The following RIC1 variants were observed in gnomAD, a reference collection of about 807,000 sequenced individuals.
The protein encoded by RIC1 is guanine nucleotide exchange factor subunit RIC1.
RIC1 carries 88 observed loss-of-function variants against 169.0 expected under a neutral mutation model. The observed-to-expected ratio is 0.52, with a 90% confidence interval of 0.44 to 0.62. RIC1 has a LOEUF of 0.62. Ranked by LOEUF, RIC1 falls within the 20% of genes least tolerant of loss-of-function variation. RIC1 has a pLI of 0.00. For synonymous variants in RIC1, 790 were observed against 601.5 expected, an observed-to-expected ratio of 1.31 and a Z score of -4.59; for missense variants, 1,877 against 1,725.5, an observed-to-expected ratio of 1.09 and a Z score of -1.56.
chr9:5,725,107 G>T (rs1563928730), intron 6 of RIC1, among the ~76,000 whole-genome samples: 1 of 152,108 alleles, frequency 6.6e-6, no homozygotes, highest in Non-Finnish European at 1.5e-5. Context: ...TTTTTCTATT[G>T]ATTGGAATAG....
At chr9:5,685,191 G>T (rs1821140310) in intron 2 of RIC1, among the ~76,000 whole-genome samples, 1 of 149,314 alleles carries the variant, frequency 6.7e-6, no homozygotes. Context: ...CGTGAAAATG[G>T]CCATACTGCC....
chr9:5,769,272 T>A lies in RIC1; in HGVS notation c.3424+16T>A. ...TACCGAACTGGTAATGTAGACTTCA[T>A]GTCACTTGTACAAGGAGAATTGTAT... On this transcript the variant is annotated intron_variant, in intron 22 of 25. Transcript: ENST00000414202. The A allele has an allele frequency of 6.2e-7, 1 of 1,613,956 alleles. No homozygotes were observed. The highest frequency in any genetic ancestry group is 8.5e-7 in the Non-Finnish European group (1 of 1,179,790).
intron 1 of RIC1, among the ~76,000 whole-genome samples, chr9:5,634,993 A>G (rs920782137): frequency 6.6e-6 from 1 of 152,244 alleles, no homozygotes; most frequent in African/African-American, 2.4e-5. Context: ...ATTCATCATC[A>G]TCACCATTAT....
chr9:5,661,334 A>G (rs931719742), intron 2 of RIC1, among the ~76,000 whole-genome samples: 1 of 152,180 alleles, frequency 6.6e-6, no homozygotes, highest in Non-Finnish European at 1.5e-5. Flanking sequence ...TTGGTTCCAT[A>G]TGAATTTTAA....
At chr9:5,689,637 C>T (rs1821477671) in intron 2 of RIC1, among the ~76,000 whole-genome samples, 1 of 152,058 alleles carries the variant, frequency 6.6e-6, no homozygotes, top group Non-Finnish European at 1.5e-5. Context: ...CATATTAGTG[C>T]AGAGTTCAAA....
At chr9:5,678,146 C>T (rs1428083148) in intron 2 of RIC1, among the ~76,000 whole-genome samples, 2 of 152,038 alleles carry the variant, frequency 1.3e-5, no homozygotes, top group Non-Finnish European at 2.9e-5. Context: ...TGGTTTCCAG[C>T]TTCATCCATG....
At chr9:5,689,775 C>T (rs1821484995) in intron 2 of RIC1, among the ~76,000 whole-genome samples, 184 bp from the exon 3 acceptor site, 2 of 152,092 alleles carry the variant, frequency 1.3e-5, no homozygotes, top group South Asian at 4.1e-4. Context: ...TCTGTAAAAA[C>T]CCTTTTTTTC....
At chr9:5,696,344 A>G (rs1821904218) in intron 3 of RIC1, among the ~76,000 whole-genome samples, 1 of 151,842 alleles carries the variant, frequency 6.6e-6, no homozygotes, top group Non-Finnish European at 1.5e-5. Flanking sequence ...CATCGAACCC[A>G]CAATTCCTAT....
chr9:5,659,923 T>G (rs1819347797), intron 2 of RIC1, among the ~76,000 whole-genome samples: 1 of 152,114 alleles, frequency 6.6e-6, no homozygotes. Context: ...GTGGTTTCCT[T>G]GCACAGATTA....
At chr9:5,682,572 C>T (rs1820922584) in intron 2 of RIC1, among the ~76,000 whole-genome samples, 1 of 152,168 alleles carries the variant, frequency 6.6e-6, no homozygotes, top group South Asian at 2.1e-4. Flanking sequence ...CCCGACCTTT[C>T]TCTGTGGCTG....
chr9:5,758,536 A>G lies in RIC1; in HGVS notation c.1992+1085A>G, dbSNP rs537524411. ...CAGTTCTCTATTCTTTGTAGAAGAC[A>G]TTGTAAAAGCTAGTCCCTCTTCCAC... is the stretch of plus-strand genomic sequence containing the variant. On this transcript the variant is annotated intron_variant, in intron 17 of 25. Transcript: ENST00000414202. 1.3e-4 allele frequency among the ~76,000 whole-genome samples: 20 copies of G among 152,280 alleles called. No homozygotes were observed. In the East Asian group the frequency reaches 2.5e-3, roughly 19 times the overall value.
At chr9:5,735,653 T>C (rs564418766) in intron 7 of RIC1, among the ~76,000 whole-genome samples, 8 of 152,356 alleles carry the variant, frequency 5.3e-5, no homozygotes, top group African/African-American at 1.2e-4. Context: ...CCAACACTTA[T>C]CAGGACTAAT....
chr9:5,702,895 A>C (rs1215194390), intron 3 of RIC1, among the ~76,000 whole-genome samples: 4 of 152,166 alleles, frequency 2.6e-5, no homozygotes, highest in African/African-American at 9.6e-5. Context: ...TTACTATCAC[A>C]AGAACAGCAC....
At chr9:5,651,230 T>C (rs1818783273) in intron 1 of RIC1, among the ~76,000 whole-genome samples, 1 of 152,214 alleles carries the variant, frequency 6.6e-6, no homozygotes, top group South Asian at 2.1e-4. Context: ...TCCAGGTCGA[T>C]AAAGGCCAAG....
chr9:5,761,675 G>T (rs1397847714), intron 17 of RIC1, among the ~76,000 whole-genome samples: 1 of 151,910 alleles, frequency 6.6e-6, no homozygotes, highest in Non-Finnish European at 1.5e-5. Flanking sequence ...TACCTTTCAT[G>T]TCTAGGATAG....
intron 10 of RIC1, 134 bp from the exon 11 acceptor site, chr9:5,745,797 C>A (rs145941272): frequency 4.3e-6 from 3 of 702,774 alleles, no homozygotes; most frequent in Non-Finnish European, 6.9e-6. Flanking sequence ...TGTGTTATCA[C>A]GGTTTCTCCA....
At chr9:5,726,109 GTTAACT>G (rs1352214518) in intron 6 of RIC1, among the ~76,000 whole-genome samples, 1 of 152,140 alleles carries the variant, frequency 6.6e-6, no homozygotes, top group Non-Finnish European at 1.5e-5. Context: ...GGATACCCTT[GTTAACT>G]TTCTGTCTCT....
intron 3 of RIC1, among the ~76,000 whole-genome samples, chr9:5,691,899 A>G (rs147825714): frequency 6.7e-4 from 102 of 152,154 alleles, no homozygotes; most frequent in Middle Eastern, 3.4e-3. Flanking sequence ...ACATGTTTAT[A>G]GTGTTTTGGA....
chr9:5,778,498 T>C (rs759015430), downstream of RIC1, among the ~76,000 whole-genome samples: 8 of 152,208 alleles, frequency 5.3e-5, no homozygotes, highest in Non-Finnish European at 7.4e-5. Context: ...TCATCACTAA[T>C]TATGATGCTA....
Sources: allele counts gnomAD v4.1 joint callset (sites outside exome capture counted in the v4.1 genomes callset), GRCh38; gene constraint gnomAD v4.1.1; transcripts MANE v1.5; gene names NCBI Gene and HGNC (gene_info 2026-07-23, HGNC 2026-07-21).